The following EYA2 variants were observed in gnomAD, a reference collection of about 807,000 sequenced individuals.
The protein encoded by EYA2 is protein phosphatase EYA2.
A neutral mutation model predicts 69.2 loss-of-function variants in EYA2; 31 were observed. That is an observed-to-expected ratio of 0.45 (90% CI 0.34 to 0.60). The LOEUF (loss-of-function observed/expected upper bound fraction) is 0.60. Ranked by LOEUF, EYA2 falls within the 20% of genes least tolerant of loss-of-function variation. The pLI, the probability that EYA2 is intolerant of heterozygous loss-of-function variation, is 0.02. For missense variants in EYA2, 622 were observed against 701.2 expected (o/e 0.89, Z 1.28); for synonymous variants, 257 against 279.4 (o/e 0.92, Z 0.80).
chr20:46,924,574 G>T (rs1030196400), intron 1 of EYA2, among the ~76,000 whole-genome samples: 3 of 150,682 alleles, frequency 2.0e-5, no homozygotes, highest in Non-Finnish European at 4.4e-5. Context: ...GGAGGCTGAG[G>T]CAGGAGAATG....
chr20:46,927,693 T>C (rs1025516159), intron 1 of EYA2, among the ~76,000 whole-genome samples: 12 of 152,146 alleles, frequency 7.9e-5, no homozygotes, highest in African/African-American at 2.9e-4. Flanking sequence ...ACTGGGCCCC[T>C]CCTACAACAC....
intron 5 of EYA2, among the ~76,000 whole-genome samples, chr20:47,025,495 A>G (rs996509989): frequency 2.0e-5 from 3 of 152,258 alleles, no homozygotes; most frequent in African/African-American, 7.2e-5. Flanking sequence ...ATATATAGAA[A>G]GAGCTTCTTC....
chr20:46,949,532 T>A (rs749805982), intron 1 of EYA2, among the ~76,000 whole-genome samples: 2 of 152,228 alleles, frequency 1.3e-5, no homozygotes, highest in African/African-American at 2.4e-5. Flanking sequence ...TCAGGGTTGC[T>A]GATGCAGTCA....
chr20:47,122,736 C>A (rs1320311218), intron 9 of EYA2, among the ~76,000 whole-genome samples: 1 of 152,068 alleles, frequency 6.6e-6, no homozygotes, highest in Non-Finnish European at 1.5e-5. Context: ...CTGCTCCCTC[C>A]CCACTCCCCC....
At chr20:46,949,844 A>G (rs547345274) in intron 1 of EYA2, among the ~76,000 whole-genome samples, 127 of 152,362 alleles carry the variant, frequency 8.3e-4, no homozygotes, top group African/African-American at 3.0e-3. Context: ...TGGCTGTGCC[A>G]CTTACCCACT....
intron 1 of EYA2, among the ~76,000 whole-genome samples, chr20:46,973,408 A>G (rs759832382): frequency 1.3e-5 from 2 of 152,266 alleles, no homozygotes; most frequent in Non-Finnish European, 2.9e-5. Context: ...GACTTCGTTT[A>G]GATTCCGTAT....
chr20:46,913,868 G>T (rs73908717), intron 1 of EYA2, among the ~76,000 whole-genome samples: 1 of 152,258 alleles, frequency 6.6e-6, no homozygotes, highest in African/African-American at 2.4e-5. Flanking sequence ...CCAGGTGTTT[G>T]AATATATGAT....
intron 1 of EYA2, among the ~76,000 whole-genome samples, chr20:46,947,943 C>A (rs1228963685): frequency 2.0e-5 from 3 of 151,840 alleles, no homozygotes; most frequent in Non-Finnish European, 2.9e-5. Flanking sequence ...ATAGTGAGAC[C>A]TCATGTCTAC....
At chr20:47,119,296 A>G (rs1287364836) in intron 9 of EYA2, among the ~76,000 whole-genome samples, 1 of 152,166 alleles carries the variant, frequency 6.6e-6, no homozygotes, top group Non-Finnish European at 1.5e-5. Context: ...TCCCCTCACC[A>G]TGCCTGCTTC....
At chr20:46,965,907 T>C (rs1490783572) in intron 1 of EYA2, among the ~76,000 whole-genome samples, 7 of 152,208 alleles carry the variant, frequency 4.6e-5, no homozygotes, top group Admixed American at 2.6e-4. Context: ...CTGTCTTCTC[T>C]CTTGGGGTGT....
chr20:47,136,737 G>A (rs939231889), intron 9 of EYA2, among the ~76,000 whole-genome samples: 3 of 129,772 alleles, frequency 2.3e-5, no homozygotes, highest in Non-Finnish European at 1.7e-5. Context: ...GGGAGACCCT[G>A]TCTCAAAAAA....
At chr20:47,136,657 T>G (rs1334321869) in intron 9 of EYA2, among the ~76,000 whole-genome samples, 3 of 151,558 alleles carry the variant, frequency 2.0e-5, no homozygotes, top group African/African-American at 7.3e-5. Flanking sequence ...GCAGGAGGAC[T>G]GTTTGAGTCC....
chr20:47,108,173 CCCAT>C (rs2032644879), intron 9 of EYA2, among the ~76,000 whole-genome samples: 1 of 152,170 alleles, frequency 6.6e-6, no homozygotes, highest in Admixed American at 6.5e-5. Context: ...AAATTTCATC[CCCAT>C]TGTTGAAGGT....
intron 1 of EYA2, among the ~76,000 whole-genome samples, chr20:46,959,047 G>A (rs1007239071): frequency 6.6e-6 from 1 of 152,186 alleles, no homozygotes; most frequent in Non-Finnish European, 1.5e-5. Context: ...CCATTCCTTT[G>A]GGTATATACC....
At chr20:47,177,888 A>G (rs1292489328) in intron 12 of EYA2, among the ~76,000 whole-genome samples, 2 of 152,246 alleles carry the variant, frequency 1.3e-5, no homozygotes, top group East Asian at 3.8e-4. Context: ...GCAGATGCCA[A>G]ACACATCGTC....
intron 1 of EYA2, among the ~76,000 whole-genome samples, chr20:46,898,415 ACAC>A (rs1983922402): frequency 6.6e-6 from 1 of 151,794 alleles, no homozygotes; most frequent in African/African-American, 2.4e-5. Flanking sequence ...ACACACACAC[ACAC>A]ACACACCACA....
intron 13 of EYA2, 28 bp downstream of exon 13, chr20:47,179,940 T>C (rs776593536): frequency 6.4e-7 from 1 of 1,566,150 alleles, no homozygotes; most frequent in Non-Finnish European, 8.8e-7. Flanking sequence ...TTTTCCTCTG[T>C]GCCACTGAAC....
intron 1 of EYA2, among the ~76,000 whole-genome samples, chr20:46,964,287 A>G: frequency 1.3e-5 from 2 of 152,278 alleles, no homozygotes; most frequent in Admixed American, 1.3e-4. Context: ...GGGCATGACA[A>G]GGTCAGATGT....
At position 47,097,028 on chromosome 20, in the gene EYA2, T is replaced by C. The variant is rs2032267047; in HGVS notation, c.805-57T>C. ...CAAGGGAATGAATTTCTGCAGACAT[T>C]AAGTCAGATGCACGTGAGTCCATTT... On this transcript the variant is annotated intron_variant, in intron 8 of 15. Coordinates refer to ENST00000327619, the MANE Select transcript of EYA2 (RefSeq NM_005244.5). 13 of 1,258,968 alleles carry C rather than the reference T, an allele frequency of 1.0e-5. No homozygotes were observed. In the South Asian group the frequency reaches 1.6e-4, roughly 16 times the overall value. 78.0% of individuals were successfully genotyped at this position (1,258,968 alleles called of 1,614,324 possible). A position where few individuals can be genotyped will look rare whatever the true frequency, so the allele number is the denominator to read the frequency against.
Sources: allele counts gnomAD v4.1 joint callset (sites outside exome capture counted in the v4.1 genomes callset), GRCh38; gene constraint gnomAD v4.1.1; transcripts MANE v1.5; gene names NCBI Gene and HGNC (gene_info 2026-07-23, HGNC 2026-07-21).